Variants in BBX observed in about 807,000 individuals in gnomAD.
BBX encodes HMG box transcription factor BBX.
In BBX, 30 loss-of-function variants were observed where a neutral mutation model predicts 100.2. The observed-to-expected ratio is 0.30, with a 90% CI of 0.22 to 0.41. The LOEUF is 0.41. BBX is among the 10% of genes least tolerant of loss of function. The pLI is 1.00. For synonymous variants in BBX, 376 were observed against 388.1 expected, an observed-to-expected ratio of 0.97 and a Z score of 0.37; for missense variants, 1,023 against 1,129.8, an observed-to-expected ratio of 0.91 and a Z score of 1.35.
At chr3:107,530,237 C>G (rs1358509189) in intron 2 of BBX, among the ~76,000 whole-genome samples, 1 of 151,850 alleles carries the variant, frequency 6.6e-6, no homozygotes, top group East Asian at 1.9e-4. Flanking sequence ...ACTAAAAATA[C>G]AAAAATTAGT....
intron 2 of BBX, among the ~76,000 whole-genome samples, chr3:107,547,565 A>G (rs951427409): frequency 1.3e-5 from 2 of 152,074 alleles, no homozygotes; most frequent in African/African-American, 2.4e-5. Context: ...TTCGTTTTAT[A>G]TTTGTTCTAC....
In BBX at chr3:107,798,720, GGTAAGAAGA is replaced by G; in HGVS notation, c.2551+2_2551+10del. ...GGTATCACCAGCAGGAGGTACTTTG[GGTAAGAAGA>G]GAGAGCTTTAGACCAGAGGTGTCCA... On this transcript the variant is annotated splice_donor_variant and splice_donor_5th_base_variant and intron_variant, in intron 16 of 17. Coordinates refer to ENST00000325805, the MANE Select transcript of BBX (RefSeq NM_001142568.3). LOFTEE classifies it high-confidence loss of function. The G allele has an allele frequency of 6.2e-7, 1 of 1,613,556 alleles. No individual in the cohort carries two copies. Among genetic ancestry groups the G allele is most frequent in the South Asian group, 1.1e-5 (1 of 91,016 alleles).
chr3:107,707,846 A>G (rs1464163024), intron 3 of BBX, among the ~76,000 whole-genome samples: 4 of 152,198 alleles, frequency 2.6e-5, no homozygotes, highest in African/African-American at 9.7e-5. Context: ...ATCCACACAT[A>G]TATATACATT....
intron 2 of BBX, among the ~76,000 whole-genome samples, chr3:107,568,189 A>G (rs1377829144): frequency 6.6e-6 from 1 of 151,160 alleles, no homozygotes; most frequent in Non-Finnish European, 1.5e-5. Flanking sequence ...AATTTATCCC[A>G]ATTGGCAGCC....
At chr3:107,649,039 C>T (rs902020176) in intron 3 of BBX, among the ~76,000 whole-genome samples, 1 of 152,284 alleles carries the variant, frequency 6.6e-6, no homozygotes, top group East Asian at 1.9e-4. Context: ...GGAGGCCTCA[C>T]AATCATGGCA....
intron 7 of BBX, among the ~76,000 whole-genome samples, chr3:107,734,197 G>A: frequency 6.6e-6 from 1 of 151,576 alleles, no homozygotes; most frequent in Non-Finnish European, 1.5e-5. Context: ...ATTATAAAAG[G>A]TTTTTATTTT....
intron 2 of BBX, among the ~76,000 whole-genome samples, chr3:107,528,631 A>G (rs1416471746): frequency 6.6e-6 from 1 of 152,236 alleles, no homozygotes; most frequent in Non-Finnish European, 1.5e-5. Context: ...CCATTAAAAC[A>G]GATTCATGTA....
chr3:107,675,085 A>C (rs1387632595), intron 3 of BBX, among the ~76,000 whole-genome samples: 2 of 152,182 alleles, frequency 1.3e-5, no homozygotes, highest in East Asian at 3.9e-4. Flanking sequence ...GAAGAAAGAA[A>C]GGACATTTTA....
intron 2 of BBX, among the ~76,000 whole-genome samples, chr3:107,540,866 G>A (rs1275815151): frequency 6.6e-6 from 1 of 152,040 alleles, no homozygotes; most frequent in Non-Finnish European, 1.5e-5. Flanking sequence ...GGTAGTTTAT[G>A]TATTCACTCC....
chr3:107,664,819 A>C (rs1411467318), intron 3 of BBX, among the ~76,000 whole-genome samples: 1 of 152,188 alleles, frequency 6.6e-6, no homozygotes, highest in Non-Finnish European at 1.5e-5. Flanking sequence ...AGTGACCCAC[A>C]GAGGACTATT....
intron 2 of BBX, among the ~76,000 whole-genome samples, chr3:107,627,831 A>G (rs2056297004): frequency 6.6e-6 from 1 of 152,000 alleles, no homozygotes; most frequent in South Asian, 2.1e-4. Context: ...TTCTTATTTA[A>G]TGTTTTTCTC....
At chr3:107,776,147 T>A (rs2067301047) in intron 12 of BBX, 1 of 152,184 alleles carries the variant, frequency 6.6e-6, no homozygotes, top group Non-Finnish European at 1.5e-5. Context: ...CTTGTGGGTC[T>A]GCTCACTGAG....
intron 9 of BBX, among the ~76,000 whole-genome samples, chr3:107,750,249 G>T (rs374061708): frequency 6.6e-6 from 1 of 152,094 alleles, no homozygotes; most frequent in Non-Finnish European, 1.5e-5. Context: ...CATCTCCTGA[G>T]GACTCTTGGG....
chr3:107,604,677 T>C (rs955948299), intron 2 of BBX, among the ~76,000 whole-genome samples: 8 of 152,196 alleles, frequency 5.3e-5, no homozygotes, highest in Admixed American at 3.3e-4. Flanking sequence ...AAGCCCTTAG[T>C]TCTTTTTCAA....
chr3:107,588,761 A>G (rs897953280), intron 2 of BBX, among the ~76,000 whole-genome samples: 5 of 152,244 alleles, frequency 3.3e-5, no homozygotes, highest in African/African-American at 1.2e-4. Context: ...AGAATGGGGT[A>G]AAAATTGAAC....
At chr3:107,548,394 A>C (rs1010508768) in intron 2 of BBX, among the ~76,000 whole-genome samples, 1 of 152,168 alleles carries the variant, frequency 6.6e-6, no homozygotes, top group Non-Finnish European at 1.5e-5. Context: ...TAAGCATACT[A>C]TGTGGTCTGA....
chr3:107,720,469 G>C (rs1185124835), intron 5 of BBX, among the ~76,000 whole-genome samples: 5 of 151,930 alleles, frequency 3.3e-5, no homozygotes, highest in African/African-American at 1.2e-4. Flanking sequence ...AAGGGTAAGA[G>C]TAGAAGTGGG....
At chr3:107,532,762 TA>T (rs2048249596) in intron 2 of BBX, among the ~76,000 whole-genome samples, 1 of 152,236 alleles carries the variant, frequency 6.6e-6, no homozygotes, top group Non-Finnish European at 1.5e-5. Flanking sequence ...TTTATGTGAA[TA>T]AATCAAAATT....
chr3:107,691,559 G>C (rs1006613821), intron 3 of BBX, among the ~76,000 whole-genome samples: 10 of 152,116 alleles, frequency 6.6e-5, no homozygotes, highest in African/African-American at 9.7e-5. Context: ...ATTTCACCCA[G>C]CATGACGCAA....
Sources: gnomAD v4.1 joint callset for allele counts (sites outside exome capture counted in the v4.1 genomes callset) on GRCh38, gnomAD v4.1.1 for gene constraint, MANE v1.5 for transcripts, NCBI Gene and HGNC (gene_info 2026-07-23, HGNC 2026-07-21) for gene names.